The following ITPR2 variants were observed in gnomAD, a reference collection of about 807,000 sequenced individuals.
ITPR2 encodes the protein inositol 1,4,5-trisphosphate receptor type 2.
In ITPR2, 207 loss-of-function variants were observed where a neutral mutation model predicts 317.1. The ratio of observed to expected loss-of-function variants is 0.65; its 90% CI spans 0.58 to 0.73. The LOEUF is 0.73. Ranked by LOEUF, ITPR2 falls within the 30% of genes least tolerant of loss-of-function variation. The pLI, the probability that ITPR2 is intolerant of heterozygous loss-of-function variation, is 0.00. For missense variants in ITPR2, 2,613 were observed against 3,284.0 expected (o/e 0.80, Z 4.99); for synonymous variants, 1,156 against 1,149.1 (o/e 1.01, Z -0.12).
intron 26 of ITPR2, among the ~76,000 whole-genome samples, chr12:26,619,648 C>T (rs1378647103): frequency 6.6e-6 from 1 of 151,866 alleles, no homozygotes; most frequent in African/African-American, 2.4e-5. Context: ...GCCATGATGC[C>T]GTCAGGAGAA....
Position 26,398,131 on chromosome 12 carries a change from C to A in ITPR2, c.7696+745G>T, listed in dbSNP as rs536149843. Among the ~76,000 whole-genome samples the A allele has an allele frequency of 8.1e-5, 12 of 148,658 alleles. No individual in the cohort carries two copies. The South Asian group carries it at 1.7e-3, about 21-fold the overall frequency. On this transcript the variant is annotated intron_variant, in intron 54 of 56. Transcript: ENST00000381340. Reference sequence around the variant, plus strand: ...CAGAGAGAGAGAGAGAAATTAAAAACTGAGAGAAGGGCCGGGTGCGGTGGC... The same window carrying A: ...CAGAGAGAGAGAGAGAAATTAAAAAATGAGAGAAGGGCCGGGTGCGGTGGC...
intron 30 of ITPR2, 29 bp from the exon 31 acceptor site, chr12:26,597,163 G>A (rs1320218145): frequency 1.2e-6 from 2 of 1,611,450 alleles, no homozygotes; most frequent in Non-Finnish European, 1.7e-6. Flanking sequence ...AGTCTATGTA[G>A]CAGTCCGAAC....
At position 26,352,293 on chromosome 12, in the gene ITPR2, G is replaced by A. The variant is rs145397233; in HGVS notation, c.7858-11965C>T. On this transcript the variant is annotated intron_variant, in intron 55 of 56. Transcript: ENST00000381340. ...CTTTCCATTCACGGTAGTTGGAGAG[G>A]TGGCTTCTGGCCGTGGTGATGCCCT... 1.6e-3 allele frequency among the ~76,000 whole-genome samples: 240 copies of A among 152,360 alleles called. 1 individual carries two copies. Among genetic ancestry groups the A allele is most frequent in the African/African-American group, 5.1e-3 (212 of 41,588 alleles).
chr12:26,581,897 A>G (rs929361001), intron 32 of ITPR2, among the ~76,000 whole-genome samples: 1 of 152,206 alleles, frequency 6.6e-6, no homozygotes, highest in African/African-American at 2.4e-5. Flanking sequence ...ATTTCATGCA[A>G]TTGCGTGGGG....
chr12:26,697,960 C>T (rs994756041), intron 9 of ITPR2, among the ~76,000 whole-genome samples: 1 of 152,098 alleles, frequency 6.6e-6, no homozygotes, highest in Non-Finnish European at 1.5e-5. Context: ...ATCAGCAATG[C>T]AGAGGATGAG....
At chr12:26,521,378 T>G (rs1943660481) in intron 37 of ITPR2, among the ~76,000 whole-genome samples, 1 of 152,212 alleles carries the variant, frequency 6.6e-6, no homozygotes, top group African/African-American at 2.4e-5. Context: ...GTCAATCATA[T>G]ACTTGGTAAT....
At chr12:26,620,017 T>C (rs1436381555) in intron 26 of ITPR2, among the ~76,000 whole-genome samples, 1 of 152,284 alleles carries the variant, frequency 6.6e-6, no homozygotes, top group East Asian at 1.9e-4. Flanking sequence ...AACCTACACA[T>C]TGTCCTTCCT....
intron 2 of ITPR2, among the ~76,000 whole-genome samples, chr12:26,772,478 A>ATAATATATATAATATATGTATT (rs58056683): frequency 1.2e-5 from 1 of 80,640 alleles, no homozygotes; most frequent in Non-Finnish European, 3.3e-5. Context: ...TATTATATAT[A>ATAATATATATAATATATGTATT]ATATATATAA....
At chr12:26,807,666 G>C (rs7305125) in intron 1 of ITPR2, among the ~76,000 whole-genome samples, 45,886 of 151,982 alleles carry the variant, frequency 0.3, 7,289 homozygotes, top group East Asian at 0.49. Flanking sequence ...TAAAAATTCT[G>C]CAAGAAAGAT....
intron 37 of ITPR2, among the ~76,000 whole-genome samples, chr12:26,537,730 G>A (rs911113481): frequency 2.0e-5 from 3 of 152,154 alleles, no homozygotes; most frequent in Non-Finnish European, 4.4e-5. Context: ...TTCCATGACT[G>A]TATAAGTAAT....
chr12:26,354,756 C>A (rs964178011), intron 55 of ITPR2, among the ~76,000 whole-genome samples: 1 of 152,110 alleles, frequency 6.6e-6, no homozygotes, highest in African/African-American at 2.4e-5. Context: ...GCAACCTCTG[C>A]CTCCCGGGTT....
intron 8 of ITPR2, among the ~76,000 whole-genome samples, chr12:26,713,056 G>A (rs570732201): frequency 1.5e-3 from 224 of 152,326 alleles, no homozygotes; most frequent in African/African-American, 5.1e-3. Flanking sequence ...GACAGTAGAA[G>A]AGAGACTCCT....
At chr12:26,505,685 T>C (rs1225515546) in intron 37 of ITPR2, among the ~76,000 whole-genome samples, 2 of 152,176 alleles carry the variant, frequency 1.3e-5, no homozygotes, top group Non-Finnish European at 2.9e-5. Flanking sequence ...GGACAGGAAC[T>C]ATACCTTTCT....
intron 46 of ITPR2, 109 bp downstream of exon 46, chr12:26,443,434 C>A: frequency 1.3e-6 from 1 of 743,986 alleles, no homozygotes; most frequent in Non-Finnish European, 2.2e-6. Context: ...CAGTTTAAAC[C>A]ACTCACTTCT....
chr12:26,733,956 T>C (rs1949072703), intron 2 of ITPR2, among the ~76,000 whole-genome samples: 1 of 152,196 alleles, frequency 6.6e-6, no homozygotes, highest in African/African-American at 2.4e-5. Flanking sequence ...TTTACATATA[T>C]TTATGTTTCT....
At chr12:26,437,027 G>A (rs1565526140) in intron 47 of ITPR2, among the ~76,000 whole-genome samples, 1 of 152,186 alleles carries the variant, frequency 6.6e-6, no homozygotes, top group Non-Finnish European at 1.5e-5. Context: ...AAAGGACTCT[G>A]TGTCTGTTAT....
chr12:26,410,580 C>G (rs116301234), intron 52 of ITPR2, among the ~76,000 whole-genome samples: 3,094 of 152,258 alleles, frequency 0.02, 106 homozygotes, highest in African/African-American at 0.068. Context: ...ACTTTGCCCT[C>G]TGTAGATACA....
intron 34 of ITPR2, among the ~76,000 whole-genome samples, chr12:26,564,723 T>G (rs916174540): frequency 6.6e-6 from 1 of 152,126 alleles, no homozygotes; most frequent in Non-Finnish European, 1.5e-5. Context: ...TGCCAAAGAT[T>G]GTCAGCAAAC....
intron 49 of ITPR2, among the ~76,000 whole-genome samples, chr12:26,426,767 C>T (rs1335473736): frequency 6.6e-6 from 1 of 151,642 alleles, no homozygotes; most frequent in African/African-American, 2.4e-5. Context: ...CATATTAGCT[C>T]AGCTTTATAA....
Sources: gnomAD v4.1 joint callset for allele counts (sites outside exome capture counted in the v4.1 genomes callset) on GRCh38, gnomAD v4.1.1 for gene constraint, MANE v1.5 for transcripts, NCBI Gene and HGNC (gene_info 2026-07-23, HGNC 2026-07-21) for gene names.